CCDC85A: variants seen among roughly 807,000 people sequenced by gnomAD.
CCDC85A encodes coiled-coil domain containing 85A, also known as coiled-coil domain-containing protein 85A.
Under a neutral mutation model 50.2 loss-of-function variants are expected in CCDC85A, and 38 were observed. The observed-to-expected ratio is 0.76, with a 90% CI of 0.58 to 0.99. The LOEUF is 0.99. Among genes scored for constraint, CCDC85A ranks in the 50% least tolerant of loss-of-function variants. The pLI, the probability that CCDC85A is intolerant of heterozygous loss-of-function variation, is 0.00. For missense variants in CCDC85A, 820 were observed against 742.0 expected (o/e 1.11, Z -1.22); for synonymous variants, 366 against 301.4 (o/e 1.21, Z -2.22).
intron 5 of CCDC85A, chr2:56,383,477 C>T (rs563807859): frequency 1.0e-5 from 5 of 483,774 alleles, no homozygotes; most frequent in African/African-American, 4.2e-5. Flanking sequence ...GGTAGTTTTA[C>T]GTTTATGCTT....
At chr2:56,359,659 A>G (rs1193279509) in intron 3 of CCDC85A, among the ~76,000 whole-genome samples, 2 of 152,232 alleles carry the variant, frequency 1.3e-5, no homozygotes, top group Non-Finnish European at 2.9e-5. Context: ...ATTTCTGGCT[A>G]AGGAGGAGTC....
At chr2:56,257,267 C>G (rs1322876740) in intron 2 of CCDC85A, among the ~76,000 whole-genome samples, 1 of 152,046 alleles carries the variant, frequency 6.6e-6, no homozygotes, top group East Asian at 1.9e-4. Context: ...ATAATGCAGT[C>G]CAGAATGTGA....
At chr2:56,199,013 T>C (rs1327228651) in intron 2 of CCDC85A, among the ~76,000 whole-genome samples, 1 of 152,246 alleles carries the variant, frequency 6.6e-6, no homozygotes, top group Middle Eastern at 3.4e-3. Flanking sequence ...TTGAAACCAG[T>C]GAAATGTTTA....
intron 2 of CCDC85A, among the ~76,000 whole-genome samples, chr2:56,237,751 T>G (rs1422509155): frequency 1.3e-5 from 2 of 152,106 alleles, no homozygotes; most frequent in Non-Finnish European, 2.9e-5. Flanking sequence ...ATTTTTTTTT[T>G]TTTTTTAAGA....
intron 2 of CCDC85A, among the ~76,000 whole-genome samples, chr2:56,253,064 C>T (rs892781018): frequency 2.6e-5 from 4 of 151,960 alleles, no homozygotes; most frequent in African/African-American, 9.7e-5. Flanking sequence ...GTAAAATATA[C>T]AGACAGAAGA....
intron 2 of CCDC85A, among the ~76,000 whole-genome samples, chr2:56,224,001 T>A (rs964670795): frequency 8.5e-5 from 13 of 152,166 alleles, no homozygotes; most frequent in African/African-American, 3.1e-4. Flanking sequence ...AAGTGTACAG[T>A]CCAATGGCTT....
intron 2 of CCDC85A, among the ~76,000 whole-genome samples, chr2:56,297,021 G>A (rs551591085): frequency 6.6e-6 from 1 of 152,100 alleles, no homozygotes; most frequent in South Asian, 2.1e-4. Flanking sequence ...ATTGTATATC[G>A]GGGTTAGTCA....
rs1044580245 is a variant in CCDC85A at position 56,208,998 on chromosome 2, G to C, written c.1240+15558G>C. Among the ~76,000 whole-genome samples the C allele has an allele frequency of 4.6e-5, 7 of 152,028 alleles. No individual in the cohort carries two copies. The East Asian group carries it at 1.4e-3, about 29-fold the overall frequency. ...TTCATGTATACTGGCCCAGGGTCTGGTCTAACTCAAGCAGCCCAAAAGGAA... is the reference window on the plus strand; with the variant it reads ...TTCATGTATACTGGCCCAGGGTCTGCTCTAACTCAAGCAGCCCAAAAGGAA... On this transcript the variant is annotated intron_variant, in intron 2 of 5. Transcript: ENST00000407595.
chr2:56,361,883 G>A (rs1425453124), intron 3 of CCDC85A, among the ~76,000 whole-genome samples: 2 of 151,914 alleles, frequency 1.3e-5, no homozygotes, highest in Non-Finnish European at 2.9e-5. Flanking sequence ...GACTGAAGAA[G>A]GTAGAGACAG....
intron 2 of CCDC85A, among the ~76,000 whole-genome samples, chr2:56,251,067 G>A (rs1013695861): frequency 6.6e-6 from 1 of 152,078 alleles, no homozygotes; most frequent in African/African-American, 2.4e-5. Context: ...ATTACCTAGT[G>A]TTGTCTGTGC....
At chr2:56,254,986 G>C (rs982464596) in intron 2 of CCDC85A, among the ~76,000 whole-genome samples, 2 of 152,190 alleles carry the variant, frequency 1.3e-5, no homozygotes, top group African/African-American at 4.8e-5. Flanking sequence ...GAATGATGTA[G>C]CTTGGTGAGG....
chr2:56,201,160 A>G lies in CCDC85A; in HGVS notation c.1240+7720A>G, dbSNP rs544157083. Among the ~76,000 whole-genome samples, 96 of 152,160 alleles carry G rather than the reference A, an allele frequency of 6.3e-4. 1 individual carries two copies. Among genetic ancestry groups the G allele is most frequent in the Admixed American group, 3.9e-4 (6 of 15,258 alleles). On this transcript the variant is annotated intron_variant, in intron 2 of 5. Transcript: ENST00000407595. ...CACAGCATTTAGTGTTCTTGTATGTATATTTAAAAATGTTAAATGCATTAC... is the reference window on the plus strand; with the variant it reads ...CACAGCATTTAGTGTTCTTGTATGTGTATTTAAAAATGTTAAATGCATTAC...
At chr2:56,305,690 C>T (rs999600455) in intron 2 of CCDC85A, among the ~76,000 whole-genome samples, 3 of 152,236 alleles carry the variant, frequency 2.0e-5, no homozygotes. Flanking sequence ...TGTATCTCAG[C>T]ATTCACTGAT....
chr2:56,201,076 C>CCACACACACA (rs72152096), intron 2 of CCDC85A, among the ~76,000 whole-genome samples: 1 of 147,300 alleles, frequency 6.8e-6, no homozygotes, highest in Admixed American at 6.8e-5. Context: ...TCATCTCTCT[C>CCACACACACA]CACACACACA....
intron 2 of CCDC85A, among the ~76,000 whole-genome samples, chr2:56,342,610 A>G (rs987483605): frequency 3.3e-5 from 5 of 152,216 alleles, no homozygotes; most frequent in African/African-American, 1.2e-4. Context: ...TAGAATCTTA[A>G]TACTAATCGT....
At chr2:56,323,123 A>G (rs918426079) in intron 2 of CCDC85A, among the ~76,000 whole-genome samples, 1 of 152,124 alleles carries the variant, frequency 6.6e-6, no homozygotes, top group African/African-American at 2.4e-5. Flanking sequence ...GGTGGGGAAC[A>G]TCACACACCA....
intron 5 of CCDC85A, chr2:56,379,813 G>A: frequency 1.0e-6 from 1 of 984,416 alleles, no homozygotes. Context: ...TGACCTTAGT[G>A]AGACAGAAAA....
intron 2 of CCDC85A, among the ~76,000 whole-genome samples, chr2:56,235,010 A>C (rs1339350555): frequency 6.6e-6 from 1 of 152,228 alleles, no homozygotes; most frequent in Non-Finnish European, 1.5e-5. Flanking sequence ...GAATCTAATC[A>C]AAACAGATGT....
intron 2 of CCDC85A, among the ~76,000 whole-genome samples, chr2:56,300,541 A>G (rs1042817420): frequency 4.6e-5 from 7 of 152,322 alleles, no homozygotes; most frequent in Admixed American, 3.9e-4. Flanking sequence ...AATCTGATCC[A>G]GTGACACTAG....
Sources: gnomAD v4.1 joint callset for allele counts (sites outside exome capture counted in the v4.1 genomes callset) on GRCh38, gnomAD v4.1.1 for gene constraint, MANE v1.5 for transcripts, NCBI Gene and HGNC (gene_info 2026-07-23, HGNC 2026-07-21) for gene names.